The following DGKB variants were observed in gnomAD, a reference collection of about 807,000 sequenced individuals.
DGKB encodes the protein 90 kDa diacylglycerol kinase.
A neutral mutation model predicts 114.3 loss-of-function variants in DGKB; 67 were observed. The ratio of observed to expected loss-of-function variants is 0.59; its 90% CI spans 0.48 to 0.72. The LOEUF is 0.72. Ranked by LOEUF, DGKB falls within the 30% of genes least tolerant of loss-of-function variation. The pLI is 0.00. For synonymous variants in DGKB, 398 were observed against 323.1 expected (o/e 1.23, Z -2.49); for missense variants, 907 against 975.2 (o/e 0.93, Z 0.93).
intron 14 of DGKB, among the ~76,000 whole-genome samples, chr7:14,625,808 G>C (rs1259653197): frequency 2.6e-5 from 4 of 151,902 alleles, no homozygotes; most frequent in Non-Finnish European, 5.9e-5. Context: ...AAAGAAAATA[G>C]AACATATAAC....
rs1781809810 is a variant in DGKB at position 14,176,827 on chromosome 7, C to T, written c.2304+12G>A. On this transcript the variant is annotated intron_variant, in intron 25 of 25. Transcript: ENST00000402815. ...TGAGATTGACATAGCATATCAACTACTCTGTACTCACTGTGCATGGGGTCT... is the reference window on the plus strand; with the variant it reads ...TGAGATTGACATAGCATATCAACTATTCTGTACTCACTGTGCATGGGGTCT... 6.2e-7 allele frequency: 1 copy of T among 1,613,684 alleles called. No individual in the cohort carries two copies. The highest frequency in any genetic ancestry group is 8.5e-7 in the Non-Finnish European group (1 of 1,179,700).
At chr7:14,450,769 T>G (rs1160861781) in intron 21 of DGKB, among the ~76,000 whole-genome samples, 2 of 152,040 alleles carry the variant, frequency 1.3e-5, no homozygotes, top group African/African-American at 4.8e-5. Flanking sequence ...CAAGTGGATC[T>G]GAGGAAAGTC....
intron 21 of DGKB, among the ~76,000 whole-genome samples, chr7:14,412,701 G>T (rs533275055): frequency 1.3e-5 from 2 of 152,262 alleles, no homozygotes; most frequent in Non-Finnish European, 2.9e-5. Context: ...AGCGAGGAAG[G>T]CCAGGCACGG....
At chr7:14,776,874 C>A (rs1838282385) in intron 2 of DGKB, among the ~76,000 whole-genome samples, 1 of 152,162 alleles carries the variant, frequency 6.6e-6, no homozygotes, top group South Asian at 2.1e-4. Flanking sequence ...GGTCCATCAA[C>A]AGCTTGCATC....
intron 21 of DGKB, among the ~76,000 whole-genome samples, chr7:14,385,347 C>T (rs1820148122): frequency 6.6e-6 from 1 of 152,058 alleles, no homozygotes; most frequent in African/African-American, 2.4e-5. Context: ...GGTGAAGAAA[C>T]CTAGGAACTG....
intron 1 of DGKB, among the ~76,000 whole-genome samples, chr7:14,954,781 T>C (rs1786404589): frequency 6.6e-6 from 1 of 152,114 alleles, no homozygotes; most frequent in African/African-American, 2.4e-5. Context: ...ATACCTACTA[T>C]ATAGCCAAGT....
chr7:14,776,806 G>A (rs576117361), intron 2 of DGKB, among the ~76,000 whole-genome samples: 1 of 152,330 alleles, frequency 6.6e-6, no homozygotes, highest in African/African-American at 2.4e-5. Flanking sequence ...CCCTACTGTG[G>A]CACAACCTAG....
At chr7:14,817,428 A>G (rs1241701836) in intron 2 of DGKB, among the ~76,000 whole-genome samples, 1 of 152,212 alleles carries the variant, frequency 6.6e-6, no homozygotes, top group Non-Finnish European at 1.5e-5. Context: ...ATGCTATGAT[A>G]TTTTTTAAAA....
At chr7:14,810,443 G>A (rs1843286500) in intron 2 of DGKB, among the ~76,000 whole-genome samples, 3 of 152,260 alleles carry the variant, frequency 2.0e-5, no homozygotes, top group Middle Eastern at 6.8e-3. Context: ...TTCTGCAAAT[G>A]TCAAGTTAAA....
chr7:14,561,874 A>G (rs992148773), intron 20 of DGKB, among the ~76,000 whole-genome samples: 1 of 152,250 alleles, frequency 6.6e-6, no homozygotes. Flanking sequence ...AGAAATCTGC[A>G]TAAGTAACAA....
At chr7:14,664,079 T>C (rs1225331199) in intron 13 of DGKB, among the ~76,000 whole-genome samples, 1 of 151,996 alleles carries the variant, frequency 6.6e-6, no homozygotes, top group African/African-American at 2.4e-5. Flanking sequence ...TTTTTAAAAC[T>C]CTGCAACTAT....
intron 23 of DGKB, among the ~76,000 whole-genome samples, chr7:14,220,536 C>T (rs1364104977): frequency 4.0e-5 from 6 of 151,518 alleles, no homozygotes. Flanking sequence ...GTTTGTACTC[C>T]TTTTTCGAAA....
At position 14,948,172 on chromosome 7, in the gene DGKB, G is replaced by T. The variant is rs565988634; in HGVS notation, c.-188+26524C>A. Reference sequence around the variant, plus strand: ...AGAATGTAACAAAGCATCTGAAATAGAATAGCAAATCTTAACAGATTTCTT... The same window carrying T: ...AGAATGTAACAAAGCATCTGAAATATAATAGCAAATCTTAACAGATTTCTT... On this transcript the variant is annotated intron_variant, in intron 1 of 4. Coordinates refer to the DGKB transcript ENST00000437998. Among the ~76,000 whole-genome samples the T allele has an allele frequency of 7.2e-5, 11 of 151,840 alleles. No individual in the cohort carries two copies. In the East Asian group the frequency reaches 1.5e-3, roughly 21 times the overall value.
intron 1 of DGKB, among the ~76,000 whole-genome samples, chr7:14,949,792 G>C (rs1786078356): frequency 6.6e-6 from 1 of 151,994 alleles, no homozygotes; most frequent in Admixed American, 6.6e-5. Flanking sequence ...ATGAATTCAT[G>C]TCCTTCATAG....
chr7:14,942,724 T>C (rs1021255803), intron 1 of DGKB, among the ~76,000 whole-genome samples: 10 of 152,086 alleles, frequency 6.6e-5, no homozygotes, highest in Admixed American at 2.0e-4. Flanking sequence ...TGGAATTTTC[T>C]TTCCCCAGAT....
intron 20 of DGKB, among the ~76,000 whole-genome samples, chr7:14,526,182 G>A (rs1234541489): frequency 6.6e-6 from 1 of 152,078 alleles, no homozygotes; most frequent in Admixed American, 6.6e-5. Flanking sequence ...AATTCAGTGT[G>A]CACTCATTCA....
In DGKB at chr7:14,874,757, A is replaced by G. The variant is rs571540550; in HGVS notation, c.-188+27835T>C. On this transcript the variant is annotated intron_variant, in intron 1 of 25. Transcript: ENST00000402815. ...AAAAAGCAAGAACTGCAACAAAATT[A>G]TATGCCGATCTTCTAGGCATTATTC... Among the ~76,000 whole-genome samples the G allele has an allele frequency of 7.7e-4, 118 of 152,260 alleles. 1 individual carries two copies. Among genetic ancestry groups the G allele is most frequent in the African/African-American group, 2.7e-3 (112 of 41,556 alleles).
chr7:14,154,438 AG>A (rs1782678644), intron 25 of DGKB, among the ~76,000 whole-genome samples: 2 of 152,120 alleles, frequency 1.3e-5, no homozygotes, highest in African/African-American at 2.4e-5. Flanking sequence ...ACTTTGAGCA[AG>A]TTACTACGAT....
rs548397103 is a variant in DGKB, at chr7:14,884,536, A to G, written c.-188+18056T>C. On this transcript the variant is annotated intron_variant, in intron 1 of 25. Coordinates refer to ENST00000402815, the MANE Select transcript of DGKB (RefSeq NM_001350709.2). ...CTGCTTCCCAAACATGGAGATAAAT[A>G]TCTTCCCTGACAGCCTGACTTTTTC... Among the ~76,000 whole-genome samples the G allele has an allele frequency of 3.3e-5, 5 of 152,050 alleles. No homozygotes were observed. In the East Asian group the frequency reaches 9.7e-4, roughly 29 times the overall value.
Sources: allele counts gnomAD v4.1 joint callset (sites outside exome capture counted in the v4.1 genomes callset), GRCh38; gene constraint gnomAD v4.1.1; transcripts MANE v1.5; gene names NCBI Gene and HGNC (gene_info 2026-07-23, HGNC 2026-07-21).